The following ETV1 variants were observed in gnomAD, a reference collection of about 807,000 sequenced individuals.
The protein encoded by ETV1 is ETS variant transcription factor 1.
ETV1 carries 27 observed loss-of-function variants against 62.3 expected under a neutral mutation model. The ratio of observed to expected loss-of-function variants is 0.43; its 90% CI spans 0.32 to 0.60. ETV1 has a LOEUF of 0.60. Ranked by LOEUF, ETV1 falls within the 20% of genes least tolerant of loss-of-function variation. The pLI, the probability that ETV1 is intolerant of heterozygous loss-of-function variation, is 0.06. For missense variants in ETV1, 605 were observed against 605.8 expected, an observed-to-expected ratio of 1.00 and a Z score of 0.01; for synonymous variants, 222 against 199.6, an observed-to-expected ratio of 1.11 and a Z score of -0.94.
chr7:13,969,982 C>T (rs761417392), intron 6 of ETV1, among the ~76,000 whole-genome samples: 39 of 151,968 alleles, frequency 2.6e-4, no homozygotes, highest in Non-Finnish European at 5.4e-4. Flanking sequence ...CTGGGCCAGG[C>T]GCAGTGGCTC....
intron 13 of ETV1, chr7:13,900,454 C>A: frequency 3.3e-6 from 1 of 306,542 alleles, no homozygotes; most frequent in East Asian, 5.3e-5. Flanking sequence ...CTTCTGAAGA[C>A]AGATGTGCTA....
intron 6 of ETV1, among the ~76,000 whole-genome samples, chr7:13,977,181 A>T (rs535594972): frequency 6.6e-6 from 1 of 152,226 alleles, no homozygotes; most frequent in Non-Finnish European, 1.5e-5. Context: ...CTTTCAATCA[A>T]CTCAGTCTTC....
At chr7:13,990,276 C>T (rs1782933702), upstream of ETV1, 1 of 152,210 alleles carries the variant, frequency 6.6e-6, no homozygotes, top group African/African-American at 2.4e-5. Context: ...TAGATCCTAT[C>T]GTTCGTGGGA....
At chr7:13,976,554 T>C (rs897275279) in intron 6 of ETV1, among the ~76,000 whole-genome samples, 46 of 152,262 alleles carry the variant, frequency 3.0e-4, no homozygotes, top group African/African-American at 1.1e-3. Flanking sequence ...GTATCTGTAT[T>C]AGAAAAAATA....
chr7:13,952,057 A>C (rs2128473033), intron 6 of ETV1, among the ~76,000 whole-genome samples: 1 of 152,310 alleles, frequency 6.6e-6, no homozygotes, highest in East Asian at 1.9e-4. Context: ...AAATAAATAA[A>C]TAAATAAATA....
At chr7:13,968,944 T>C (rs1780580627) in intron 6 of ETV1, among the ~76,000 whole-genome samples, 2 of 152,156 alleles carry the variant, frequency 1.3e-5, no homozygotes, top group Non-Finnish European at 1.5e-5. Flanking sequence ...GAGAGTACTT[T>C]TCATTGGATT....
intron 6 of ETV1, among the ~76,000 whole-genome samples, chr7:13,965,900 A>G (rs1037182596): frequency 2.1e-4 from 32 of 152,222 alleles, no homozygotes; most frequent in Non-Finnish European, 4.0e-4. Context: ...TTAAAAAATA[A>G]GATTCTAAAT....
At chr7:13,918,887 A>AAG (rs1554295319) in intron 9 of ETV1, among the ~76,000 whole-genome samples, 1 of 151,446 alleles carries the variant, frequency 6.6e-6, no homozygotes, top group Non-Finnish European at 1.5e-5. Flanking sequence ...AAAAAAAAAA[A>AAG]AAGAAGTTCA....
chr7:13,914,618 T>TAAA (rs77923443), intron 9 of ETV1, among the ~76,000 whole-genome samples: 77 of 118,982 alleles, frequency 6.5e-4, no homozygotes, highest in Admixed American at 1.7e-3. Context: ...GACAAGAAAC[T>TAAA]AAAAAAAAAA....
chr7:13,953,743 G>A (rs1009522500), intron 6 of ETV1, among the ~76,000 whole-genome samples: 3 of 151,888 alleles, frequency 2.0e-5, no homozygotes, highest in Non-Finnish European at 2.9e-5. Context: ...CCACCAGGAT[G>A]CCAGAACAAA....
At chr7:13,906,660 G>T in intron 11 of ETV1, 61 bp from the exon 12 acceptor site, 1 of 1,266,178 alleles carries the variant, frequency 7.9e-7, no homozygotes, top group East Asian at 2.7e-5. Context: ...TACATAAAAT[G>T]TACATTAAAT....
chr7:13,902,030 T>C (rs981595413), intron 12 of ETV1, among the ~76,000 whole-genome samples: 3 of 152,098 alleles, frequency 2.0e-5, no homozygotes, highest in African/African-American at 7.2e-5. Flanking sequence ...GTAGCTTGCT[T>C]TTCCTACCCC....
chr7:13,899,003 C>T (rs914213041), intron 13 of ETV1, among the ~76,000 whole-genome samples: 12 of 152,114 alleles, frequency 7.9e-5, no homozygotes, highest in Admixed American at 2.6e-4. Context: ...ATAATCACAG[C>T]AACTTTAATG....
At chr7:13,933,678 T>C (rs1786456190) in intron 8 of ETV1, among the ~76,000 whole-genome samples, 1 of 152,160 alleles carries the variant, frequency 6.6e-6, no homozygotes, top group Non-Finnish European at 1.5e-5. Flanking sequence ...GGGACTGTCA[T>C]TTGTTGGCCA....
chr7:13,955,584 G>T (rs7800918), intron 6 of ETV1, among the ~76,000 whole-genome samples: 35,023 of 151,988 alleles, frequency 0.23, 5,714 homozygotes, highest in African/African-American at 0.47. Context: ...AAGCCTTGGA[G>T]AGACTTAACG....
intron 6 of ETV1, among the ~76,000 whole-genome samples, chr7:13,976,015 G>T (rs1257397049): frequency 2.0e-5 from 3 of 152,186 alleles, no homozygotes; most frequent in Non-Finnish European, 1.5e-5. Flanking sequence ...CTTTAATCAA[G>T]AAGGGGAGGA....
At chr7:13,953,685 A>G (rs1789086327) in intron 6 of ETV1, among the ~76,000 whole-genome samples, 1 of 151,958 alleles carries the variant, frequency 6.6e-6, no homozygotes, top group Non-Finnish European at 1.5e-5. Context: ...AAAAAAAAAA[A>G]AAGAAAGAAA....
At chr7:13,928,248 T>C (rs1785658307) in intron 9 of ETV1, among the ~76,000 whole-genome samples, 1 of 152,200 alleles carries the variant, frequency 6.6e-6, no homozygotes, top group South Asian at 2.1e-4. Context: ...ACATTCTCAA[T>C]ACCACACTAC....
chr7:13,941,811 C>T (rs180742899), intron 6 of ETV1, among the ~76,000 whole-genome samples: 50 of 150,640 alleles, frequency 3.3e-4, no homozygotes, highest in African/African-American at 1.2e-3. Context: ...CAGAGTTTGC[C>T]GAGATCGCGG....
Sources: gnomAD v4.1 joint callset for allele counts (sites outside exome capture counted in the v4.1 genomes callset) on GRCh38, gnomAD v4.1.1 for gene constraint, MANE v1.5 for transcripts, NCBI Gene and HGNC (gene_info 2026-07-23, HGNC 2026-07-21) for gene names.